The following SYT16 variants were observed in gnomAD, a reference collection of about 807,000 sequenced individuals.
SYT16 encodes the protein synaptotagmin-16.
A neutral mutation model predicts 61.4 loss-of-function variants in SYT16; 42 were observed. That is an observed-to-expected ratio of 0.68 (90% CI 0.53 to 0.89). The LOEUF (loss-of-function observed/expected upper bound fraction) is 0.89, where lower values mean the gene tolerates loss of function less well. Among genes scored for constraint, SYT16 ranks in the 40% least tolerant of loss-of-function variants. The pLI, the probability that SYT16 is intolerant of heterozygous loss-of-function variation, is 0.00. For synonymous variants in SYT16, 314 were observed against 302.3 expected (o/e 1.04, Z -0.40); for missense variants, 804 against 807.3 (o/e 1.00, Z 0.05).
Position 61,823,645 on chromosome 14 carries a change from G to T in SYT16, c.-325+10835G>T, listed in dbSNP as rs145548492. 6.8e-3 allele frequency among the ~76,000 whole-genome samples: 1,032 copies of T among 151,812 alleles called. 17 individuals carry two copies. Among genetic ancestry groups the T allele is most frequent in the African/African-American group, 0.024 (995 of 41,342 alleles). ...TGCACACCTGTAACCCTAGGTACTCGGGAGGATGAGGCAGGAGAATCGCTT... is the reference window on the plus strand; with the variant it reads ...TGCACACCTGTAACCCTAGGTACTCTGGAGGATGAGGCAGGAGAATCGCTT... On this transcript the variant is annotated intron_variant, in intron 1 of 7. Transcript: ENST00000683842.
intron 1 of SYT16, among the ~76,000 whole-genome samples, chr14:61,948,503 G>A (rs2050539361): frequency 6.6e-6 from 1 of 152,162 alleles, no homozygotes; most frequent in South Asian, 2.1e-4. Flanking sequence ...AATGGTAAGG[G>A]TCTGATTGAA....
chr14:61,859,282 T>C (rs1163697169), intron 1 of SYT16, among the ~76,000 whole-genome samples: 1 of 152,098 alleles, frequency 6.6e-6, no homozygotes, highest in Non-Finnish European at 1.5e-5. Context: ...GTTGGCTCCA[T>C]CTTCCTTTAG....
chr14:61,933,929 A>G (rs1566692671), intron 1 of SYT16, among the ~76,000 whole-genome samples: 1 of 152,206 alleles, frequency 6.6e-6, no homozygotes, highest in Admixed American at 6.5e-5. Context: ...GTATATATAC[A>G]TATATATACA....
chr14:61,966,353 A>G (rs1330870792), intron 1 of SYT16, among the ~76,000 whole-genome samples: 4 of 152,132 alleles, frequency 2.6e-5, no homozygotes, highest in African/African-American at 9.6e-5. Flanking sequence ...AAAATTATTT[A>G]CCAAGCTAAA....
chr14:62,019,651 C>G (rs1035063814), intron 3 of SYT16, among the ~76,000 whole-genome samples: 1 of 152,160 alleles, frequency 6.6e-6, no homozygotes, highest in Admixed American at 6.5e-5. Flanking sequence ...GGAGATGCTT[C>G]CAGGTGTTTG....
intron 1 of SYT16, among the ~76,000 whole-genome samples, chr14:61,816,223 A>G (rs971989393): frequency 6.8e-6 from 1 of 147,382 alleles, no homozygotes; most frequent in African/African-American, 2.5e-5. Context: ...CTTGTTGGCA[A>G]CCTGCAGTTT....
intron 1 of SYT16, among the ~76,000 whole-genome samples, chr14:61,967,147 G>C (rs1360819264): frequency 6.6e-6 from 1 of 152,110 alleles, no homozygotes; most frequent in African/African-American, 2.4e-5. Flanking sequence ...GTCCCAGGGA[G>C]TTGAAATATG....
At chr14:61,863,747 T>C (rs577779562) in intron 1 of SYT16, among the ~76,000 whole-genome samples, 1 of 152,366 alleles carries the variant, frequency 6.6e-6, no homozygotes, top group African/African-American at 2.4e-5. Flanking sequence ...AGTTTAGTGT[T>C]TTACATTTAA....
chr14:62,102,608 GTGGCTTTT>G lies in SYT16; in HGVS notation c.*1902_*1909del, dbSNP rs1487162597. The G allele has an allele frequency of 6.6e-6, 1 of 152,176 alleles. No individual in the cohort carries two copies. The highest frequency in any genetic ancestry group is 1.5e-5 in the Non-Finnish European group (1 of 68,034). 9.4% of individuals were successfully genotyped at this position (152,176 alleles called of 1,614,324 possible). ...ATTGATTAAGTAGCAGCACAAAGAA[GTGGCTTTT>G]CACATCTCTTACTCTTTATGCCTTG... On this transcript the variant is annotated 3_prime_UTR_variant, in exon 8 of 8. Coordinates refer to ENST00000683842, the MANE Select transcript of SYT16 (RefSeq NM_001367656.1).
intron 1 of SYT16, among the ~76,000 whole-genome samples, chr14:61,887,754 A>G (rs1184304789): frequency 2.0e-5 from 3 of 152,172 alleles, no homozygotes; most frequent in Non-Finnish European, 4.4e-5. Context: ...ATAGAATTGA[A>G]GAGAGTTCGG....
At position 61,880,618 on chromosome 14, in the gene SYT16, GT is replaced by G. The variant is rs377473100; in HGVS notation, c.-325+67813del. ...ATTAACACATATATTGCTCTATTTA[GT>G]TTTTCCTTAATATCTTTCAGCAAAA... On this transcript the variant is annotated intron_variant, in intron 1 of 7. Transcript: ENST00000683842. Among the ~76,000 whole-genome samples, 695 of 152,042 alleles carry G rather than the reference GT, an allele frequency of 4.6e-3. 10 individuals carry two copies. The highest frequency in any genetic ancestry group is 0.045 in the South Asian group (218 of 4,820).
At chr14:62,028,890 T>C (rs2140794227) in intron 3 of SYT16, among the ~76,000 whole-genome samples, 1 of 152,330 alleles carries the variant, frequency 6.6e-6, no homozygotes, top group East Asian at 1.9e-4. Flanking sequence ...TACCTTAAAG[T>C]GTAATTCAGA....
At chr14:61,821,381 A>G (rs1021681544) in intron 1 of SYT16, among the ~76,000 whole-genome samples, 1 of 152,174 alleles carries the variant, frequency 6.6e-6, no homozygotes, top group African/African-American at 2.4e-5. Flanking sequence ...CCACAAAGCT[A>G]GTGGCTTAAA....
chr14:62,052,383 T>TA (rs2055347751), intron 3 of SYT16, among the ~76,000 whole-genome samples: 1 of 152,266 alleles, frequency 6.6e-6, no homozygotes, highest in Non-Finnish European at 1.5e-5. Context: ...TTATAATTTT[T>TA]AAGAGACTTT....
At chr14:61,843,707 T>C (rs2046363380) in intron 1 of SYT16, among the ~76,000 whole-genome samples, 1 of 152,204 alleles carries the variant, frequency 6.6e-6, no homozygotes, top group Non-Finnish European at 1.5e-5. Context: ...CCAAAATGAG[T>C]TCACAATAAG....
intron 1 of SYT16, among the ~76,000 whole-genome samples, chr14:61,936,743 G>T (rs960585268): frequency 2.0e-5 from 3 of 152,030 alleles, no homozygotes; most frequent in Admixed American, 6.6e-5. Flanking sequence ...TTACATGATT[G>T]CCTTAGCTCT....
intron 1 of SYT16, among the ~76,000 whole-genome samples, chr14:61,855,898 G>C (rs8013285): frequency 0.18 from 26,867 of 152,212 alleles, 2,876 homozygotes; most frequent in African/African-American, 0.3. Context: ...AATCTAAACT[G>C]ACTCAGCTGA....
chr14:62,010,218 G>C (rs1235400061), intron 3 of SYT16, among the ~76,000 whole-genome samples: 2 of 152,176 alleles, frequency 1.3e-5, no homozygotes, highest in Non-Finnish European at 2.9e-5. Context: ...AGACATCTAT[G>C]TCTTACCCAT....
chr14:61,958,328 AT>A (rs1389577935), intron 1 of SYT16, among the ~76,000 whole-genome samples: 1 of 149,736 alleles, frequency 6.7e-6, no homozygotes, highest in African/African-American at 2.5e-5. Flanking sequence ...TTTGTTTAGT[AT>A]TTTTTTATTT....
Sources: gnomAD v4.1 joint callset for allele counts (sites outside exome capture counted in the v4.1 genomes callset) on GRCh38, gnomAD v4.1.1 for gene constraint, MANE v1.5 for transcripts, NCBI Gene and HGNC (gene_info 2026-07-23, HGNC 2026-07-21) for gene names.